Variants in LRRC4C observed in about 807,000 individuals in gnomAD.
LRRC4C encodes the protein leucine rich repeat containing 4C.
Under a neutral mutation model 33.6 loss-of-function variants are expected in LRRC4C, and 5 were observed. That is an observed-to-expected ratio of 0.15 (90% CI 0.08 to 0.31). The LOEUF (loss-of-function observed/expected upper bound fraction) is 0.31. Ranked by LOEUF, LRRC4C falls within the 10% of genes least tolerant of loss-of-function variation. The probability of loss-of-function intolerance (pLI) is 1.00; values close to 1 mark genes in which losing one functional copy is unlikely to be tolerated. For synonymous variants in LRRC4C, 329 were observed against 302.0 expected (o/e 1.09, Z -0.93); for missense variants, 560 against 796.7 (o/e 0.70, Z 3.58).
chr11:40,791,220 A>G (rs1950609917), intron 2 of LRRC4C, among the ~76,000 whole-genome samples: 1 of 152,184 alleles, frequency 6.6e-6, no homozygotes, highest in Non-Finnish European at 1.5e-5. Context: ...ATAAAACAAA[A>G]TCATGGGGCC....
At chr11:40,871,052 C>T (rs1471021947) in intron 2 of LRRC4C, among the ~76,000 whole-genome samples, 1 of 151,960 alleles carries the variant, frequency 6.6e-6, no homozygotes, top group Non-Finnish European at 1.5e-5. Flanking sequence ...TGAAATAAGC[C>T]CCAGTCTCCC....
At chr11:41,170,169 T>C (rs1006591058) in intron 1 of LRRC4C, among the ~76,000 whole-genome samples, 9 of 152,014 alleles carry the variant, frequency 5.9e-5, no homozygotes, top group Non-Finnish European at 1.2e-4. Flanking sequence ...ACTAGATATT[T>C]TTATACTGCC....
intron 2 of LRRC4C, among the ~76,000 whole-genome samples, chr11:40,779,332 G>A (rs1188141860): frequency 1.3e-5 from 2 of 152,140 alleles, no homozygotes; most frequent in African/African-American, 4.8e-5. Flanking sequence ...AATTCTGGAG[G>A]CATACATCCC....
At chr11:40,553,295 A>T (rs199643706) in intron 3 of LRRC4C, among the ~76,000 whole-genome samples, 2 of 130,358 alleles carry the variant, frequency 1.5e-5, no homozygotes, top group Non-Finnish European at 3.3e-5. Context: ...AACAAACAAA[A>T]AAAGTGGATC....
chr11:41,231,371 G>A (rs576252897), intron 1 of LRRC4C, among the ~76,000 whole-genome samples: 103 of 152,098 alleles, frequency 6.8e-4, no homozygotes, highest in Non-Finnish European at 1.1e-3. Context: ...CAACCCAAAT[G>A]TCCATCAATG....
rs761855836 is a variant in LRRC4C at position 40,114,492 on chromosome 11, A to G, written c.1801T>C (p.Tyr601His). The change falls in exon 7 of 7, where the codon TAC becomes CAC. Residue 601 changes from tyrosine to histidine, a missense_variant. Tyr to His is a moderately conservative substitution (Grantham distance 83). Around this residue, in one of 3 missense-constraint regions of LRRC4C, gnomAD observed 103 missense variants for 132.1 expected, o/e 0.78. Transcript: ENST00000528697. ...GTTGTGTGGTTGAAGGGAGATTTGT[A>G]TGAGTTATAGTGATTTAGGTGCTCA... ...EHEHLNHYNSYKSPFNHTTTV... is the reference protein window; with the variant it reads ...EHEHLNHYNSHKSPFNHTTTV... 1 of 1,614,116 alleles carries G rather than the reference A, an allele frequency of 6.2e-7. No homozygotes were observed. Among genetic ancestry groups the G allele is most frequent in the South Asian group, 1.1e-5 (1 of 91,082 alleles).
chr11:41,078,235 C>A (rs550743421), intron 1 of LRRC4C, among the ~76,000 whole-genome samples: 80 of 152,286 alleles, frequency 5.3e-4, no homozygotes, highest in African/African-American at 1.9e-3. Flanking sequence ...AAGTTCTAAA[C>A]TTTCTGACAT....
chr11:40,720,482 T>G (rs534022087), intron 2 of LRRC4C, among the ~76,000 whole-genome samples: 18 of 152,232 alleles, frequency 1.2e-4, no homozygotes, highest in Non-Finnish European at 2.6e-4. Context: ...TTAAGAGATA[T>G]AAGTTCAAAA....
At chr11:40,575,524 A>C (rs1187240982) in intron 3 of LRRC4C, among the ~76,000 whole-genome samples, 1 of 152,298 alleles carries the variant, frequency 6.6e-6, no homozygotes, top group Non-Finnish European at 1.5e-5. Flanking sequence ...AAGGGTTCCA[A>C]GAATTATTTT....
intron 1 of LRRC4C, among the ~76,000 whole-genome samples, chr11:41,149,898 C>T (rs1039949905): frequency 6.6e-6 from 1 of 152,122 alleles, no homozygotes; most frequent in African/African-American, 2.4e-5. Context: ...TTCTCTGTGT[C>T]ATCTTTTCAA....
chr11:40,584,240 T>G (rs1043868587), intron 3 of LRRC4C, among the ~76,000 whole-genome samples: 3 of 140,378 alleles, frequency 2.1e-5, no homozygotes, highest in African/African-American at 7.8e-5. Flanking sequence ...TCTTGTGCAC[T>G]GCCAAGCGTA....
intron 1 of LRRC4C, among the ~76,000 whole-genome samples, chr11:40,954,483 T>A (rs551493652): frequency 6.6e-6 from 1 of 151,866 alleles, no homozygotes; most frequent in African/African-American, 2.4e-5. Flanking sequence ...TTCCCCTCAG[T>A]ATCCAGTGAA....
At chr11:40,769,012 G>T (rs1231445289) in intron 2 of LRRC4C, among the ~76,000 whole-genome samples, 1 of 151,898 alleles carries the variant, frequency 6.6e-6, no homozygotes, top group African/African-American at 2.4e-5. Flanking sequence ...AAAATTAAGG[G>T]CATCCAAACT....
intron 5 of LRRC4C, among the ~76,000 whole-genome samples, chr11:40,208,271 G>A (rs894370620): frequency 3.3e-5 from 5 of 152,128 alleles, no homozygotes; most frequent in Non-Finnish European, 5.9e-5. Context: ...AACGAATGTT[G>A]AGCAAATTGC....
At chr11:40,893,337 C>A (rs896386541) in intron 2 of LRRC4C, among the ~76,000 whole-genome samples, 1 of 151,938 alleles carries the variant, frequency 6.6e-6, no homozygotes, top group African/African-American at 2.4e-5. Flanking sequence ...TGACTACAAT[C>A]ACCAATAATT....
At chr11:41,177,381 T>C (rs1485442805) in intron 1 of LRRC4C, among the ~76,000 whole-genome samples, 1 of 152,206 alleles carries the variant, frequency 6.6e-6, no homozygotes, top group East Asian at 1.9e-4. Flanking sequence ...TTCCTACTTA[T>C]GAGTACTGAG....
chr11:40,715,961 A>G (rs1240437625), intron 2 of LRRC4C, among the ~76,000 whole-genome samples: 2 of 151,994 alleles, frequency 1.3e-5, no homozygotes, highest in Non-Finnish European at 2.9e-5. Context: ...GGACAATTAC[A>G]TGAACAGAAG....
chr11:40,700,074 G>C (rs538293596), intron 2 of LRRC4C, among the ~76,000 whole-genome samples: 39 of 152,212 alleles, frequency 2.6e-4, no homozygotes, highest in South Asian at 4.1e-4. Flanking sequence ...AAGTTAAGGG[G>C]AGGGGGACTT....
chr11:40,961,703 G>A lies in LRRC4C; in HGVS notation c.-495-27980C>T, dbSNP rs551007643. The stretch of plus-strand genomic sequence containing the variant: ...ATAATGGTCAGGATTGAAGAGTTGT[G>A]TAAAGAATGAGTGGGGGAAATTTCT... On this transcript the variant is annotated intron_variant, in intron 1 of 6. Coordinates refer to ENST00000528697, the MANE Select transcript of LRRC4C (RefSeq NM_001258419.2). Among the ~76,000 whole-genome samples, 4 of 151,762 alleles carry A rather than the reference G, an allele frequency of 2.6e-5. No homozygotes were observed. The South Asian group carries it at 8.3e-4, about 31-fold the overall frequency.
Sources: allele counts gnomAD v4.1 joint callset (sites outside exome capture counted in the v4.1 genomes callset), GRCh38; gene constraint gnomAD v4.1.1; regional missense constraint gnomAD v4.1.1; transcripts MANE v1.5; gene names NCBI Gene and HGNC (gene_info 2026-07-23, HGNC 2026-07-21).